PSG4: variants seen among roughly 807,000 people sequenced by gnomAD.
PSG4 encodes pregnancy specific beta-1-glycoprotein 4.
Under a neutral mutation model 44.3 loss-of-function variants are expected in PSG4, and 61 were observed. That is an observed-to-expected ratio of 1.38 (90% CI 1.12 to 1.70). The LOEUF (loss-of-function observed/expected upper bound fraction) is 1.70. PSG4 is among the 40% of genes most tolerant of loss of function. The pLI is 0.00. For synonymous variants in PSG4, 248 were observed against 191.3 expected, an observed-to-expected ratio of 1.30 and a Z score of -2.45; for missense variants, 677 against 511.7, an observed-to-expected ratio of 1.32 and a Z score of -3.12.
chr19:43,194,160 C>A, intron 5 of PSG4, 180 bp downstream of exon 5: 1 of 1,502,394 alleles, frequency 6.7e-7, no homozygotes, highest in Non-Finnish European at 8.9e-7. Context: ...AAGATATCAG[C>A]CTGTTTGTTA....
intron 2 of PSG4, among the ~76,000 whole-genome samples, chr19:43,201,006 G>A (rs1049020083): frequency 6.8e-6 from 1 of 146,108 alleles, no homozygotes; most frequent in African/African-American, 2.6e-5. Flanking sequence ...CTGCATAGCA[G>A]GTTGAGGATG....
intron 3 of PSG4, among the ~76,000 whole-genome samples, chr19:43,197,113 A>C (rs191089589): frequency 6.9e-6 from 1 of 145,492 alleles, no homozygotes; most frequent in African/African-American, 2.6e-5. Flanking sequence ...AATTGAAATT[A>C]TTTCCTTAAT....
Position 43,193,279 on chromosome 19 carries a change from G to T in PSG4, c.*93C>A. 1 of 770,786 alleles carries T rather than the reference G, an allele frequency of 1.3e-6. No homozygotes were observed. Among genetic ancestry groups the T allele is most frequent in the Admixed American group, 1.7e-5 (1 of 58,890 alleles). The allele number at this position is 770,786 out of a possible 1,614,324, so 47.7% of individuals were successfully genotyped here. A position where few individuals can be genotyped will look rare whatever the true frequency, so the allele number is the denominator to read the frequency against. ...TTTCCCATGAAATTTACATCGAGTT[G>T]TCCACCTCCAGCTTATAGGGCTTCT... On this transcript the variant is annotated 3_prime_UTR_variant, in exon 6 of 6. Transcript: ENST00000405312.
rs374208555 is a variant in PSG4, at chr19:43,196,114, T to G, written c.710-841A>C. ...AAAAGCAGAACTGACTGGTGGAAAGTGTGGGAATGAACTGCTGGAAATCTG... is the reference window on the plus strand; with the variant it reads ...AAAAGCAGAACTGACTGGTGGAAAGGGTGGGAATGAACTGCTGGAAATCTG... On this transcript the variant is annotated intron_variant, in intron 3 of 5. Transcript: ENST00000405312. Among the ~76,000 whole-genome samples the G allele has an allele frequency of 8.1e-4, 123 of 151,774 alleles. 2 individuals are homozygous for G. In the South Asian group the frequency reaches 0.019, roughly 23 times the overall value.
chr19:43,202,928 G>A lies in PSG4; in HGVS notation c.430+958C>T, dbSNP rs1265502936. Among the ~76,000 whole-genome samples the A allele has an allele frequency of 1.4e-5, 2 of 144,708 alleles. 1 individual carries two copies. Among genetic ancestry groups the A allele is most frequent in the Non-Finnish European group, 3.0e-5 (2 of 67,074 alleles). The allele number at this position is 144,708 out of a possible 152,430, so 94.9% of individuals were successfully genotyped here. On this transcript the variant is annotated intron_variant, in intron 2 of 5. Coordinates refer to ENST00000405312, the MANE Select transcript of PSG4 (RefSeq NM_002780.5). The stretch of plus-strand genomic sequence containing the variant: ...CTGTGGCTGCAGACAGACCTCATGT[G>A]ACCCCGATCTCCCCTTTGTGTTGGT...
intron 2 of PSG4, chr19:43,198,912 A>G (rs1211513364): frequency 6.7e-6 from 1 of 149,046 alleles, no homozygotes; most frequent in African/African-American, 2.6e-5. Context: ...TGACCTCTAA[A>G]GATAGAGCAG....
intron 5 of PSG4, chr19:43,193,679 AC>A: frequency 3.6e-6 from 2 of 549,794 alleles, no homozygotes; most frequent in African/African-American, 1.9e-5. Context: ...CTTTTACAAA[AC>A]CCTTGAGAAT....
intron 5 of PSG4, chr19:43,193,888 A>G: frequency 4.4e-6 from 3 of 684,834 alleles, no homozygotes; most frequent in Non-Finnish European, 8.0e-6. Context: ...ATCAATACTC[A>G]TGAATAGTTG....
At position 43,204,694 on chromosome 19, in the gene PSG4, T is replaced by TCC. The variant is rs1555724298; in HGVS notation, c.65-445_65-444dup. 3.4e-3 allele frequency: 523 copies of TCC among 151,748 alleles called. 29 individuals carry two copies. The highest frequency in any genetic ancestry group is 0.02 in the African/African-American group (340 of 16,698). 9.4% of individuals were successfully genotyped at this position (151,748 alleles called of 1,614,324 possible). ...TCTAGATCACTTAGCATGTCTGTCT[T>TCC]CCCCCCACGATGACTGTGTGAGCTC... On this transcript the variant is annotated intron_variant, in intron 1 of 5. Coordinates refer to ENST00000405312, the MANE Select transcript of PSG4 (RefSeq NM_002780.5).
At chr19:43,196,948 TG>T (rs779732390) in intron 3 of PSG4, 3 of 146,618 alleles carry the variant, frequency 2.0e-5, no homozygotes, top group African/African-American at 5.2e-5. Context: ...CTAACAATAT[TG>T]ATTCTTCCAA....
At chr19:43,196,408 C>T (rs1158821754) in intron 3 of PSG4, 2 of 151,430 alleles carry the variant, frequency 1.3e-5, no homozygotes. Context: ...GAGCTTGATG[C>T]CTATAATTCA....
intron 1 of PSG4, among the ~76,000 whole-genome samples, chr19:43,205,181 A>C (rs531157674): frequency 6.6e-5 from 8 of 120,790 alleles, no homozygotes; most frequent in Admixed American, 4.9e-4. Context: ...TATCTTGGCT[A>C]GCTGCAACTT....
At chr19:43,199,343 T>A (rs1432701941) in intron 2 of PSG4, among the ~76,000 whole-genome samples, 1 of 145,386 alleles carries the variant, frequency 6.9e-6, no homozygotes, top group Admixed American at 6.8e-5. Context: ...TGTTGTTCCA[T>A]GGTTGTGCAT....
chr19:43,198,499 T>A lies in PSG4; in HGVS notation c.431-224A>T, dbSNP rs1422312513. 10 of 839,400 alleles carry A rather than the reference T, an allele frequency of 1.2e-5. 1 individual carries two copies. Among genetic ancestry groups the A allele is most frequent in the Non-Finnish European group, 1.7e-5 (10 of 597,292 alleles). 52.0% of individuals were successfully genotyped at this position (839,400 alleles called of 1,614,324 possible). A position where few individuals can be genotyped will look rare whatever the true frequency, so the allele number is the denominator to read the frequency against. ...AAGCACAGACTTTCTTAGGTGTGAATTGAGCAGCAGCATTGGGTCATGGAA... is the reference window on the plus strand; with the variant it reads ...AAGCACAGACTTTCTTAGGTGTGAAATGAGCAGCAGCATTGGGTCATGGAA... On this transcript the variant is annotated intron_variant, in intron 2 of 5. Transcript: ENST00000405312.
rs1281347815 is a variant in PSG4 at position 43,197,890 on chromosome 19, G to A, written c.709+107C>T. ...AGTCATGGCCAGCTTTGATGTCTAG[G>A]GGTAAAGGTCTCTGTACTTGGACCT... On this transcript the variant is annotated intron_variant, in intron 3 of 5. Transcript: ENST00000405312. 3 of 1,574,712 alleles carry A rather than the reference G, an allele frequency of 1.9e-6. 1 individual carries two copies. In the African/African-American group the frequency reaches 4.4e-5, roughly 23 times the overall value.
chr19:43,199,457 G>T lies in PSG4; in HGVS notation c.431-1182C>A, dbSNP rs1181140228. Among the ~76,000 whole-genome samples the T allele has an allele frequency of 1.4e-5, 2 of 145,626 alleles. 1 individual carries two copies. Among genetic ancestry groups the T allele is most frequent in the African/African-American group, 5.3e-5 (2 of 38,022 alleles). Reference sequence around the variant, plus strand: ...CCTTATGCAGAAAGGTTAAAACAAAGTGTTTTCGATTTCTAATTTTTTTAT... The same window carrying T: ...CCTTATGCAGAAAGGTTAAAACAAATTGTTTTCGATTTCTAATTTTTTTAT... On this transcript the variant is annotated intron_variant, in intron 2 of 5. Coordinates refer to ENST00000405312, the MANE Select transcript of PSG4 (RefSeq NM_002780.5).
At chr19:43,199,296 A>G (rs1967400489) in intron 2 of PSG4, among the ~76,000 whole-genome samples, 1 of 145,046 alleles carries the variant, frequency 6.9e-6, no homozygotes, top group South Asian at 2.2e-4. Flanking sequence ...AGAGAGTAGA[A>G]TAGTAGTTTG....
At chr19:43,199,463 T>C (rs1967408689) in intron 2 of PSG4, among the ~76,000 whole-genome samples, 1 of 145,742 alleles carries the variant, frequency 6.9e-6, no homozygotes, top group African/African-American at 2.6e-5. Flanking sequence ...CAAAGTGTTT[T>C]CGATTTCTAA....
rs777667689 is a variant in PSG4, at chr19:43,193,347, A to T, written c.*25T>A. ...GCTCTTCGTGATTCCATGGGAGAAAATGGAATTGGAGGAACTAGTAGAATT... is the reference window on the plus strand; with the variant it reads ...GCTCTTCGTGATTCCATGGGAGAAATTGGAATTGGAGGAACTAGTAGAATT... On this transcript the variant is annotated 3_prime_UTR_variant, in exon 6 of 6. Coordinates refer to ENST00000405312, the MANE Select transcript of PSG4 (RefSeq NM_002780.5). The T allele has an allele frequency of 3.9e-6, 3 of 775,366 alleles. No individual in the cohort carries two copies. Among genetic ancestry groups the T allele is most frequent in the South Asian group, 2.7e-5 (2 of 74,584 alleles). The allele number at this position is 775,366 out of a possible 1,614,324, so 48.0% of individuals were successfully genotyped here. A position where few individuals can be genotyped will look rare whatever the true frequency, so the allele number is the denominator to read the frequency against.
Sources: gnomAD v4.1 joint callset for allele counts (sites outside exome capture counted in the v4.1 genomes callset) on GRCh38, gnomAD v4.1.1 for gene constraint, MANE v1.5 for transcripts, NCBI Gene and HGNC (gene_info 2026-07-23, HGNC 2026-07-21) for gene names.